Variants in ACBD5 observed in about 807,000 individuals in gnomAD.
ACBD5 encodes the protein acyl-CoA binding domain containing 5.
A neutral mutation model predicts 71.8 loss-of-function variants in ACBD5; 40 were observed. The observed-to-expected ratio is 0.56, with a 90% CI of 0.43 to 0.72. ACBD5 has a LOEUF of 0.72. Ranked by LOEUF, ACBD5 falls within the 30% of genes least tolerant of loss-of-function variation. The pLI is 0.00. For missense variants in ACBD5, 559 were observed against 644.5 expected (o/e 0.87, Z 1.44); for synonymous variants, 229 against 218.6 (o/e 1.05, Z -0.42).
chr10:27,214,781 C>T (rs1196339773), intron 8 of ACBD5, among the ~76,000 whole-genome samples: 2 of 152,306 alleles, frequency 1.3e-5, no homozygotes, highest in South Asian at 4.1e-4. Flanking sequence ...CTTGGTGGCT[C>T]ACACCTGTAA....
intron 2 of ACBD5, among the ~76,000 whole-genome samples, chr10:27,239,663 A>G (rs902046844): frequency 5.3e-5 from 8 of 152,234 alleles, no homozygotes; most frequent in East Asian, 1.9e-4. Context: ...CTGTCCCTTC[A>G]TATCAAAAGT....
rs918553903 is a variant in ACBD5, at chr10:27,208,237, G to A, written c.1404+9C>T. 1.2e-6 allele frequency: 2 copies of A among 1,613,754 alleles called. No homozygotes were observed. The highest frequency in any genetic ancestry group is 2.2e-5 in the South Asian group (2 of 91,084). ...AGCACAAGAAGGTATGATACATTTG[G>A]AAGTTTACCTGCAAAGCAGTCAGCG... On this transcript the variant is annotated intron_variant, in intron 10 of 12. Transcript: ENST00000396271.
At chr10:27,207,875 C>T (rs1015178693) in intron 10 of ACBD5, among the ~76,000 whole-genome samples, 3 of 151,976 alleles carry the variant, frequency 2.0e-5, no homozygotes, top group Admixed American at 2.0e-4. Context: ...GCTGGGATTA[C>T]AGGTATGCAA....
chr10:27,213,757 CAGA>C (rs112336586), intron 8 of ACBD5, among the ~76,000 whole-genome samples: 10,520 of 88,104 alleles, frequency 0.12, 679 homozygotes, highest in African/African-American at 0.18. Context: ...AACTCCGCCT[CAGA>C]AAAAAAAAAA....
At chr10:27,216,142 GTTTA>G (rs2061600949) in intron 7 of ACBD5, among the ~76,000 whole-genome samples, 1 of 147,942 alleles carries the variant, frequency 6.8e-6, no homozygotes, top group Admixed American at 6.8e-5. Context: ...CCAAAATACT[GTTTA>G]TTTTTGGTTT....
At chr10:27,204,138 C>CAAAAA (rs11346187) in intron 12 of ACBD5, among the ~76,000 whole-genome samples, 1 of 45,718 alleles carries the variant, frequency 2.2e-5, no homozygotes, top group Non-Finnish European at 3.7e-5. Flanking sequence ...GACCCAGTCT[C>CAAAAA]AAAAAAAAAA....
intron 12 of ACBD5, among the ~76,000 whole-genome samples, chr10:27,202,297 A>G (rs192629323): frequency 2.0e-5 from 3 of 152,340 alleles, no homozygotes; most frequent in Admixed American, 6.5e-5. Context: ...AACAATATGT[A>G]AAAACACTAT....
intron 2 of ACBD5, among the ~76,000 whole-genome samples, chr10:27,239,166 C>T (rs1175207801): frequency 6.6e-6 from 1 of 152,164 alleles, no homozygotes; most frequent in Non-Finnish European, 1.5e-5. Flanking sequence ...CATTGCACTT[C>T]AGCCTGGGCA....
intron 6 of ACBD5, among the ~76,000 whole-genome samples, chr10:27,218,810 T>G (rs1217608124): frequency 6.6e-6 from 1 of 151,928 alleles, no homozygotes; most frequent in African/African-American, 2.4e-5. Context: ...GGTCTCGAAC[T>G]CCCAACCTCA....
chr10:27,214,331 C>G (rs908507054), intron 8 of ACBD5, among the ~76,000 whole-genome samples: 1 of 151,936 alleles, frequency 6.6e-6, no homozygotes, highest in Admixed American at 6.6e-5. Context: ...ATGCCTGCAC[C>G]AAAATATCTC....
Position 27,197,312 on chromosome 10 carries a change from T to G in ACBD5, c.*118A>C. The G allele has an allele frequency of 1.0e-6, 1 of 961,638 alleles. No homozygotes were observed. The highest frequency in any genetic ancestry group is 1.7e-6 in the Non-Finnish European group (1 of 601,754). 59.6% of individuals were successfully genotyped at this position (961,638 alleles called of 1,614,324 possible). A position where few individuals can be genotyped will look rare whatever the true frequency, so the allele number is the denominator to read the frequency against. ...TATATATGTACACAAACTAAACTAC[T>G]GGACAACAAAAAGCAATGTAATCAT... On this transcript the variant is annotated 3_prime_UTR_variant, in exon 13 of 13. Coordinates refer to ENST00000396271, the MANE Select transcript of ACBD5 (RefSeq NM_145698.5).
At chr10:27,232,734 G>A (rs1439410239) in intron 3 of ACBD5, among the ~76,000 whole-genome samples, 1 of 152,062 alleles carries the variant, frequency 6.6e-6, no homozygotes, top group African/African-American at 2.4e-5. Flanking sequence ...CTCACTTCTA[G>A]GATACTGAAA....
chr10:27,238,740 A>C (rs533556118), intron 2 of ACBD5, among the ~76,000 whole-genome samples: 207 of 152,232 alleles, frequency 1.4e-3, no homozygotes, highest in Non-Finnish European at 2.0e-3. Context: ...TTATTGAATG[A>C]TGTGTTGAAT....
chr10:27,224,935 G>A (rs1003124025), intron 4 of ACBD5, among the ~76,000 whole-genome samples: 5 of 152,084 alleles, frequency 3.3e-5, no homozygotes, highest in African/African-American at 1.2e-4. Context: ...GGAGGCTGAG[G>A]CGAGAGAATT....
intron 4 of ACBD5, among the ~76,000 whole-genome samples, chr10:27,225,300 G>C (rs2137757234): frequency 6.6e-6 from 1 of 152,196 alleles, no homozygotes; most frequent in South Asian, 2.1e-4. Flanking sequence ...TAAAATTCTT[G>C]TTCAAACAAC....
In ACBD5 at chr10:27,240,296, CA is replaced by C. The variant is rs2065315358; in HGVS notation, c.181+22del. The C allele has an allele frequency of 6.2e-7, 1 of 1,613,960 alleles. No individual in the cohort carries two copies. Among genetic ancestry groups the C allele is most frequent in the African/African-American group, 1.3e-5 (1 of 74,900 alleles). Reference sequence around the variant, plus strand: ...TGGGGCTCTCTGCAGGAGGCGTCTACAGCCGGGGCCCAGCGCACGTACCATT... The same window carrying C: ...TGGGGCTCTCTGCAGGAGGCGTCTACGCCGGGGCCCAGCGCACGTACCATT... On this transcript the variant is annotated intron_variant, in intron 2 of 12. Transcript: ENST00000396271. This position sits in a 1 kb window ranked among gnomAD's most constrained non-coding sequence, Gnocchi z 4.1.
chr10:27,239,298 G>C (rs1447111253), intron 2 of ACBD5, among the ~76,000 whole-genome samples: 1 of 152,212 alleles, frequency 6.6e-6, no homozygotes, highest in Non-Finnish European at 1.5e-5. Flanking sequence ...ATTTAGAACA[G>C]AGAAAAATAT....
chr10:27,229,686 T>C (rs2063602148), intron 4 of ACBD5, among the ~76,000 whole-genome samples: 1 of 152,196 alleles, frequency 6.6e-6, no homozygotes, highest in African/African-American at 2.4e-5. Context: ...CAACATTATT[T>C]AGAAACACGC....
intron 9 of ACBD5, among the ~76,000 whole-genome samples, chr10:27,209,409 G>A (rs554784430): frequency 1.3e-5 from 2 of 152,134 alleles, no homozygotes; most frequent in Admixed American, 6.6e-5. Flanking sequence ...TGCAACCTCC[G>A]CCTCCCAGGT....
Sources: allele counts gnomAD v4.1 joint callset (sites outside exome capture counted in the v4.1 genomes callset), GRCh38; gene constraint gnomAD v4.1.1; non-coding constraint Gnocchi (gnomAD v3.1); transcripts MANE v1.5; gene names NCBI Gene and HGNC (gene_info 2026-07-23, HGNC 2026-07-21).